GRIK2: variants seen among roughly 807,000 people sequenced by gnomAD.
The protein encoded by GRIK2 is glutamate ionotropic receptor kainate type subunit 2.
A neutral mutation model predicts 100.3 loss-of-function variants in GRIK2; 32 were observed. The observed-to-expected ratio is 0.32, with a 90% CI of 0.24 to 0.43. The LOEUF is 0.43. Ranked by LOEUF, GRIK2 falls within the 20% of genes least tolerant of loss-of-function variation. The pLI, the probability that GRIK2 is intolerant of heterozygous loss-of-function variation, is 1.00. For missense variants in GRIK2, 843 were observed against 1,114.9 expected, an observed-to-expected ratio of 0.76 and a Z score of 3.47; for synonymous variants, 417 against 389.4, an observed-to-expected ratio of 1.07 and a Z score of -0.83.
intron 16 of GRIK2, among the ~76,000 whole-genome samples, chr6:102,067,756 A>G (rs541855454): frequency 6.6e-6 from 1 of 152,018 alleles, no homozygotes; most frequent in Admixed American, 6.6e-5. Flanking sequence ...TCATTTCATG[A>G]TTAAGTCATA....
chr6:101,685,474 G>A (rs755309084), intron 6 of GRIK2, among the ~76,000 whole-genome samples: 3 of 152,142 alleles, frequency 2.0e-5, no homozygotes, highest in Non-Finnish European at 4.4e-5. Context: ...CATGCTGGAT[G>A]TTTTCATGGT....
chr6:101,657,451 G>A (rs1455909453), intron 4 of GRIK2, among the ~76,000 whole-genome samples: 4 of 152,040 alleles, frequency 2.6e-5, no homozygotes, highest in Admixed American at 6.6e-5. Context: ...GTCTTGGGTG[G>A]TATCTTTATA....
intron 14 of GRIK2, among the ~76,000 whole-genome samples, chr6:101,947,219 T>C (rs1791335284): frequency 6.6e-6 from 1 of 152,138 alleles, no homozygotes; most frequent in African/African-American, 2.4e-5. Context: ...TTGAAGTAAT[T>C]TTTAATACTA....
At chr6:101,777,002 C>T (rs573820754) in intron 7 of GRIK2, among the ~76,000 whole-genome samples, 2 of 152,300 alleles carry the variant, frequency 1.3e-5, no homozygotes, top group South Asian at 4.1e-4. Flanking sequence ...TCGCCATCAT[C>T]GTCCAACACC....
intron 2 of GRIK2, among the ~76,000 whole-genome samples, chr6:101,471,528 C>G (rs1040893722): frequency 1.3e-5 from 2 of 151,934 alleles, no homozygotes; most frequent in African/African-American, 4.8e-5. Context: ...ACATATCTTA[C>G]AGCTAAACAC....
At chr6:101,820,143 G>T (rs559626201) in intron 10 of GRIK2, among the ~76,000 whole-genome samples, 6 of 152,186 alleles carry the variant, frequency 3.9e-5, no homozygotes, top group African/African-American at 1.4e-4. Flanking sequence ...CAATTTCTGA[G>T]ATATAGTATT....
At chr6:102,004,287 ATTT>A (rs35096329) in intron 14 of GRIK2, among the ~76,000 whole-genome samples, 3 of 114,478 alleles carry the variant, frequency 2.6e-5, no homozygotes, top group Non-Finnish European at 3.7e-5. Flanking sequence ...CTGTAAGTTC[ATTT>A]TTTTTTTTTT....
intron 5 of GRIK2, among the ~76,000 whole-genome samples, chr6:101,677,414 A>G (rs976565966): frequency 1.3e-5 from 2 of 152,160 alleles, no homozygotes; most frequent in East Asian, 1.9e-4. Context: ...ACAAAAACCA[A>G]CCAACCAACC....
Position 101,888,760 on chromosome 6 carries a change from G to A in GRIK2, c.1525-880G>A, listed in dbSNP as rs375896987. 5.5e-4 allele frequency among the ~76,000 whole-genome samples: 83 copies of A among 152,202 alleles called. 1 individual carries two copies. The South Asian group carries it at 0.017, about 31-fold the overall frequency. On this transcript the variant is annotated intron_variant, in intron 11 of 16. Coordinates refer to ENST00000369134, the MANE Select transcript of GRIK2 (RefSeq NM_021956.5). ...ATGTCTTTCTCTAACTCTTGACGGT[G>A]AACATTTTGTTCTTTACTCTTTGAA...
At chr6:101,585,366 G>A (rs1364975645) in intron 2 of GRIK2, among the ~76,000 whole-genome samples, 2 of 152,008 alleles carry the variant, frequency 1.3e-5, no homozygotes, top group African/African-American at 4.8e-5. Context: ...TAGTCCACTG[G>A]TCCACTATGA....
At chr6:101,793,799 C>A (rs1222825650) in intron 7 of GRIK2, among the ~76,000 whole-genome samples, 1 of 152,148 alleles carries the variant, frequency 6.6e-6, no homozygotes, top group Admixed American at 6.5e-5. Flanking sequence ...TTTGTCTGTG[C>A]CCTGCCCCCA....
intron 2 of GRIK2, among the ~76,000 whole-genome samples, chr6:101,546,376 T>C (rs1776233867): frequency 6.6e-6 from 1 of 152,202 alleles, no homozygotes; most frequent in Non-Finnish European, 1.5e-5. Context: ...GGCCTTTTAT[T>C]TGAGAATTTT....
chr6:102,020,753 A>C (rs373599712), intron 14 of GRIK2, among the ~76,000 whole-genome samples: 22 of 151,888 alleles, frequency 1.4e-4, no homozygotes, highest in East Asian at 3.9e-4. Flanking sequence ...CAAAAATAGT[A>C]TATAACTTAT....
chr6:101,451,697 G>A (rs762281153), intron 2 of GRIK2, among the ~76,000 whole-genome samples: 1 of 46,642 alleles, frequency 2.1e-5, no homozygotes, highest in Non-Finnish European at 4.3e-5. Context: ...TATCTCTGAG[G>A]GGGGGGGGGG....
At chr6:101,499,231 T>G (rs1225617336) in intron 2 of GRIK2, among the ~76,000 whole-genome samples, 1 of 152,146 alleles carries the variant, frequency 6.6e-6, no homozygotes, top group Non-Finnish European at 1.5e-5. Flanking sequence ...TATGTGATGA[T>G]GAAGTCTGAT....
At chr6:101,556,963 A>G (rs924283105) in intron 2 of GRIK2, among the ~76,000 whole-genome samples, 1 of 152,220 alleles carries the variant, frequency 6.6e-6, no homozygotes, top group East Asian at 1.9e-4. Context: ...TTGAATAAAT[A>G]TTTCTATACA....
chr6:101,820,269 G>C (rs1036255250), intron 10 of GRIK2, among the ~76,000 whole-genome samples: 4 of 152,074 alleles, frequency 2.6e-5, no homozygotes, highest in African/African-American at 9.7e-5. Context: ...TATGTCTTCT[G>C]TTTCTATACC....
At chr6:101,638,252 G>A (rs1781117450) in intron 4 of GRIK2, among the ~76,000 whole-genome samples, 1 of 149,218 alleles carries the variant, frequency 6.7e-6, no homozygotes, top group African/African-American at 2.5e-5. Context: ...ACTGTTCTAG[G>A]TACCGGAGAT....
chr6:101,813,101 A>G (rs1232568023), intron 9 of GRIK2, among the ~76,000 whole-genome samples: 1 of 152,188 alleles, frequency 6.6e-6, no homozygotes, highest in East Asian at 1.9e-4. Flanking sequence ...ATATAGAGAT[A>G]CATGCATACA....
Sources: gnomAD v4.1 joint callset for allele counts (sites outside exome capture counted in the v4.1 genomes callset) on GRCh38, gnomAD v4.1.1 for gene constraint, MANE v1.5 for transcripts, NCBI Gene and HGNC (gene_info 2026-07-23, HGNC 2026-07-21) for gene names.